The following KCNIP4 variants were observed in gnomAD, a reference collection of about 807,000 sequenced individuals.
KCNIP4 encodes potassium voltage-gated channel interacting protein 4, also known as Kv channel-interacting protein 4.
In KCNIP4, 12 loss-of-function variants were observed where a neutral mutation model predicts 34.0. That is an observed-to-expected ratio of 0.35 (90% CI 0.23 to 0.57). The LOEUF (loss-of-function observed/expected upper bound fraction) is 0.57. Ranked by LOEUF, KCNIP4 falls within the 20% of genes least tolerant of loss-of-function variation. The pLI is 0.83. For missense variants in KCNIP4, 238 were observed against 311.7 expected (o/e 0.76, Z 1.78); for synonymous variants, 124 against 102.2 (o/e 1.21, Z -1.29).
chr4:21,798,225 TTGGATATG>T (rs1374041090), intron 1 of KCNIP4, among the ~76,000 whole-genome samples: 4 of 151,390 alleles, frequency 2.6e-5, no homozygotes, highest in African/African-American at 4.8e-5. Flanking sequence ...ATATATGTAT[TTGGATATG>T]TGTATAGTAT....
At chr4:21,928,982 G>C (rs1729419457) in intron 1 of KCNIP4, among the ~76,000 whole-genome samples, 1 of 152,020 alleles carries the variant, frequency 6.6e-6, no homozygotes, top group Non-Finnish European at 1.5e-5. Flanking sequence ...CCCTCTTAGA[G>C]AGACATATAC....
At chr4:20,770,227 T>C (rs1031116658) in intron 3 of KCNIP4, among the ~76,000 whole-genome samples, 1 of 152,330 alleles carries the variant, frequency 6.6e-6, no homozygotes, top group East Asian at 1.9e-4. Context: ...TCTTGGCACC[T>C]GCCATAGTTT....
At chr4:21,531,367 CCCTT>C (rs1736672488) in intron 1 of KCNIP4, among the ~76,000 whole-genome samples, 1 of 128,716 alleles carries the variant, frequency 7.8e-6, no homozygotes, top group Non-Finnish European at 1.7e-5. Flanking sequence ...CTCCCTCCCT[CCCTT>C]CCTTCCTTCC....
At chr4:21,254,177 T>C (rs2109085920) in intron 1 of KCNIP4, among the ~76,000 whole-genome samples, 2 of 152,314 alleles carry the variant, frequency 1.3e-5, no homozygotes, top group South Asian at 4.1e-4. Flanking sequence ...CATGCATACA[T>C]TCAGACATAG....
intron 1 of KCNIP4, among the ~76,000 whole-genome samples, chr4:21,335,464 T>C (rs1190416680): frequency 6.6e-6 from 1 of 152,182 alleles, no homozygotes; most frequent in East Asian, 1.9e-4. Flanking sequence ...TATTGTCTAT[T>C]GCATGCAGAA....
chr4:21,468,908 T>A (rs372503470), intron 1 of KCNIP4, among the ~76,000 whole-genome samples: 11 of 152,318 alleles, frequency 7.2e-5, no homozygotes, highest in African/African-American at 2.6e-4. Flanking sequence ...TTGCTCAACA[T>A]CATCTATTAA....
chr4:21,892,636 T>A (rs1727173770), intron 1 of KCNIP4, among the ~76,000 whole-genome samples: 1 of 151,610 alleles, frequency 6.6e-6, no homozygotes, highest in Non-Finnish European at 1.5e-5. Context: ...TCTTAGGTGA[T>A]CACTTAACCT....
intron 1 of KCNIP4, among the ~76,000 whole-genome samples, chr4:21,699,483 TAG>T (rs1712650418): frequency 6.6e-6 from 1 of 152,072 alleles, no homozygotes; most frequent in Non-Finnish European, 1.5e-5. Flanking sequence ...GCTGGCAGAA[TAG>T]AAAGTGAGTA....
intron 1 of KCNIP4, among the ~76,000 whole-genome samples, chr4:21,660,333 A>T (rs1006193164): frequency 1.3e-5 from 2 of 152,166 alleles, no homozygotes; most frequent in African/African-American, 4.8e-5. Context: ...CAATAAACTT[A>T]GGTTAACTAC....
chr4:21,803,059 G>C (rs1721094804), intron 1 of KCNIP4, among the ~76,000 whole-genome samples: 1 of 152,068 alleles, frequency 6.6e-6, no homozygotes, highest in African/African-American at 2.4e-5. Flanking sequence ...TGACACAAAG[G>C]TTAAAAGTAA....
chr4:20,822,724 C>T (rs139466002), intron 3 of KCNIP4, among the ~76,000 whole-genome samples: 15 of 152,200 alleles, frequency 9.9e-5, no homozygotes, highest in East Asian at 1.9e-4. Flanking sequence ...TGAATTTTCA[C>T]GGGGCCAGGG....
At chr4:21,080,491 G>A (rs773173172) in intron 1 of KCNIP4, among the ~76,000 whole-genome samples, 6 of 150,646 alleles carry the variant, frequency 4.0e-5, no homozygotes, top group Non-Finnish European at 5.9e-5. Context: ...ATATTTTATA[G>A]CATGTGTTCG....
chr4:21,101,352 C>A (rs1367405601), intron 1 of KCNIP4, among the ~76,000 whole-genome samples: 1 of 151,894 alleles, frequency 6.6e-6, no homozygotes, highest in Non-Finnish European at 1.5e-5. Context: ...TATATCATTT[C>A]TTTATATATA....
At chr4:20,960,507 C>T (rs75039222) in intron 1 of KCNIP4, among the ~76,000 whole-genome samples, 2,037 of 152,312 alleles carry the variant, frequency 0.013, 44 homozygotes, top group African/African-American at 0.046. Flanking sequence ...CCCCTGTGCC[C>T]AGTCTGGCAG....
Position 21,555,565 on chromosome 4 carries a change from A to G in KCNIP4, c.61+393006T>C, listed in dbSNP as rs190888603. Among the ~76,000 whole-genome samples the G allele has an allele frequency of 3.0e-4, 46 of 152,254 alleles. 1 individual carries two copies. The South Asian group carries it at 4.8e-3, about 16-fold the overall frequency. On this transcript the variant is annotated intron_variant, in intron 1 of 8. Coordinates refer to ENST00000382152, the MANE Select transcript of KCNIP4 (RefSeq NM_025221.6). Reference sequence around the variant, plus strand: ...TGAGCATGTGAAGCTGCATTAAAGCATGATCTTCCTGGCAAGAAGAATATG... The same window carrying G: ...TGAGCATGTGAAGCTGCATTAAAGCGTGATCTTCCTGGCAAGAAGAATATG...
chr4:20,965,871 T>C (rs1425353451), intron 1 of KCNIP4, among the ~76,000 whole-genome samples: 2 of 152,190 alleles, frequency 1.3e-5, no homozygotes, highest in Non-Finnish European at 2.9e-5. Context: ...TAACTTACTA[T>C]TTTGAGCTTT....
chr4:21,317,663 C>T (rs1037605510), intron 1 of KCNIP4, among the ~76,000 whole-genome samples: 5 of 152,072 alleles, frequency 3.3e-5, no homozygotes, highest in African/African-American at 1.2e-4. Context: ...TTTGGAGATC[C>T]TCTTTTGAGA....
intron 1 of KCNIP4, among the ~76,000 whole-genome samples, chr4:21,346,625 T>C (rs1294381552): frequency 6.6e-6 from 1 of 152,028 alleles, no homozygotes; most frequent in African/African-American, 2.4e-5. Context: ...AGGATCTTTA[T>C]GCTTCACTCA....
In KCNIP4 at chr4:21,375,427, G is replaced by A. The variant is rs550560301; in HGVS notation, c.62-492718C>T. Among the ~76,000 whole-genome samples the A allele has an allele frequency of 1.1e-3, 164 of 152,246 alleles. 1 individual carries two copies. The highest frequency in any genetic ancestry group is 3.9e-3 in the African/African-American group (160 of 41,540). On this transcript the variant is annotated intron_variant, in intron 1 of 8. Transcript: ENST00000382152. The stretch of plus-strand genomic sequence containing the variant: ...AGTTTCTTCATCTGTAAACTGAGGG[G>A]CTAATAATGTACTTACACTATAGTG...
Sources: allele counts gnomAD v4.1 joint callset (sites outside exome capture counted in the v4.1 genomes callset), GRCh38; gene constraint gnomAD v4.1.1; transcripts MANE v1.5; gene names NCBI Gene and HGNC (gene_info 2026-07-23, HGNC 2026-07-21).